TNK2: variants seen among roughly 807,000 people sequenced by gnomAD.
The protein encoded by TNK2 is tyrosine kinase non receptor 2.
A neutral mutation model predicts 101.8 loss-of-function variants in TNK2; 83 were observed. The observed-to-expected ratio is 0.82, with a 90% CI of 0.68 to 0.98. The LOEUF is 0.98. Among genes scored for constraint, TNK2 ranks in the 50% least tolerant of loss-of-function variants. The pLI is 0.00. For synonymous variants in TNK2, 804 were observed against 633.0 expected (o/e 1.27, Z -4.06); for missense variants, 1,665 against 1,483.2 (o/e 1.12, Z -2.01).
At chr3:195,872,022 C>A (rs147776988) in intron 10 of TNK2, among the ~76,000 whole-genome samples, 25,733 of 66,156 alleles carry the variant, frequency 0.39, 5,003 homozygotes, top group South Asian at 0.52. Context: ...CCTGGAGAAC[C>A]CTCCCCTGGA....
intron 12 of TNK2, chr3:195,869,231 C>G: frequency 1.7e-6 from 1 of 591,690 alleles, no homozygotes. Flanking sequence ...CAGGGCCACA[C>G]TCGTGCTCCA....
intron 12 of TNK2, chr3:195,869,230 A>G (rs918696964): frequency 1.7e-6 from 1 of 589,356 alleles, no homozygotes; most frequent in African/African-American, 1.9e-5. Flanking sequence ...CCAGGGCCAC[A>G]CTCGTGCTCC....
chr3:195,891,607 C>T (rs2149733742), intron 1 of TNK2, among the ~76,000 whole-genome samples: 1 of 152,280 alleles, frequency 6.6e-6, no homozygotes, highest in East Asian at 1.9e-4. Flanking sequence ...GGCAGCGTCT[C>T]CTCTCCACCC....
intron 10 of TNK2, among the ~76,000 whole-genome samples, chr3:195,871,232 TC>T (rs1263656306): frequency 6.6e-6 from 1 of 152,066 alleles, no homozygotes; most frequent in African/African-American, 2.4e-5. Context: ...AGTGACTGAT[TC>T]TGCGTGTCCT....
chr3:195,867,439 C>T lies in TNK2; in HGVS notation c.2859G>A (p.Arg953=), dbSNP rs1266941703. The T allele has an allele frequency of 1.3e-6, 2 of 1,596,852 alleles. No individual in the cohort carries two copies. Among genetic ancestry groups the T allele is most frequent in the Non-Finnish European group, 1.7e-6 (2 of 1,176,944 alleles). The change falls in exon 13 of 16, where the codon AGG becomes AGA. Residue 953 remains arginine, a synonymous_variant. Coordinates refer to ENST00000672887, the MANE Select transcript of TNK2 (RefSeq NM_001382273.1). ...SNPGARPPPP[R]ATARLPQRGC... ...CCCTCTGTGGCAGCCGAGCAGTGGC[C>T]CTCGGGGGTGGTGGCCGGGCCCCTG...
intron 1 of TNK2, chr3:195,895,473 C>T (rs1310583358): frequency 7.3e-7 from 1 of 1,369,486 alleles, no homozygotes; most frequent in East Asian, 3.1e-5. Flanking sequence ...CATCCGCCAT[C>T]GGCCGGCGGC....
chr3:195,874,111 C>A (rs1401717054), intron 9 of TNK2, among the ~76,000 whole-genome samples: 3 of 152,232 alleles, frequency 2.0e-5, no homozygotes, highest in African/African-American at 7.2e-5. Context: ...GCGGCTCTCC[C>A]GCTACACCCA....
In TNK2 at chr3:195,868,614, A is replaced by T; in HGVS notation, c.1684T>A (p.Trp562Arg). Residue 562 changes from tryptophan to arginine, a missense_variant, in exon 13 of 16, where the codon TGG becomes AGG. Around this residue, in one of 3 missense-constraint regions of TNK2, gnomAD observed 1,136 missense variants for 894.9 expected, o/e 1.27. Transcript: ENST00000672887. ...ACCCGCGCCGAGGGCTTCGCCAGCC[A>T]CAGCCCTCGGGGCAGGCCTGGCTTC... is the stretch of plus-strand genomic sequence containing the variant. The part of the protein sequence containing the change: ...LRKPGLPRGL[W>R]LAKPSARVPG... 1 of 1,588,912 alleles carries T rather than the reference A, an allele frequency of 6.3e-7. No homozygotes were observed. Among genetic ancestry groups the T allele is most frequent in the Non-Finnish European group, 8.5e-7 (1 of 1,175,686 alleles).
rs768087094 is a variant in TNK2, at chr3:195,872,323, G to A, written c.1404C>T (p.Gly468=). The change falls in exon 10 of 16, where the codon GGC becomes GGT. Residue 468 remains glycine (G), a synonymous_variant. Coordinates refer to ENST00000672887, the MANE Select transcript of TNK2 (RefSeq NM_001382273.1). ...CCCAGCAGTGGCGGGGGTCACTGTCGCCATGCCCTGTGTGGATGAAGCTGT... is the reference window on the plus strand; with the variant it reads ...CCCAGCAGTGGCGGGGGTCACTGTCACCATGCCCTGTGTGGATGAAGCTGT... ...LQNSFIHTGH[G]DSDPRHCWGF... is the part of the protein sequence containing the mutation. 14 of 1,613,116 alleles carry A rather than the reference G, an allele frequency of 8.7e-6. No homozygotes were observed. Among genetic ancestry groups the A allele is most frequent in the South Asian group, 6.6e-5 (6 of 91,088 alleles).
Position 195,884,888 on chromosome 3 carries a change from C to G in TNK2, c.380G>C (p.Arg127Pro). Reference sequence around the variant, plus strand: ...ACCATCACCCAGCTTCTCCAGGAGGCGCAGGTCCTTCTCCCCAATGAGGCA... The same window carrying G: ...ACCATCACCCAGCTTCTCCAGGAGGGGCAGGTCCTTCTCCCCAATGAGGCA... ...LTCLIGEKDL[R>P]LLEKLGDGSF... Residue 127 changes from arginine to proline, a missense_variant, in exon 4 of 16, where the codon CGC becomes CCC. Around this residue, in one of 3 missense-constraint regions of TNK2, gnomAD observed 490 missense variants for 522.5 expected, o/e 0.94. Coordinates refer to ENST00000672887, the MANE Select transcript of TNK2 (RefSeq NM_001382273.1). 1 of 1,614,032 alleles carries G rather than the reference C, an allele frequency of 6.2e-7. No homozygotes were observed.
At chr3:195,889,338 C>G (rs1757428636) in intron 1 of TNK2, among the ~76,000 whole-genome samples, 1 of 152,166 alleles carries the variant, frequency 6.6e-6, no homozygotes, top group South Asian at 2.1e-4. Context: ...AAATAAATCC[C>G]AATTTACATG....
Position 195,882,162 on chromosome 3 carries a change from A to G in TNK2, c.776T>C (p.Leu259Pro), listed in dbSNP as rs1241084314. 2 of 1,613,912 alleles carry G rather than the reference A, an allele frequency of 1.2e-6. No homozygotes were observed. Among genetic ancestry groups the G allele is most frequent in the Admixed American group, 1.7e-5 (1 of 60,022 alleles). Reference sequence around the variant, plus strand: ...CTTGACCAGGTCGCGGGTAGCCAACAGCAGATTGCGGGCAGCCAGGTCACG... The same window carrying G: ...CTTGACCAGGTCGCGGGTAGCCAACGGCAGATTGCGGGCAGCCAGGTCACG... ...IHRDLAARNL[L>P]LATRDLVKIG... is the part of the protein sequence containing the mutation. Residue 259 changes from leucine (L) to proline (P), a missense_variant, in exon 6 of 16, where the codon CTG becomes CCG. Leu to Pro is a moderately conservative substitution (Grantham distance 98, BLOSUM62 -3). Around this residue, in one of 3 missense-constraint regions of TNK2, gnomAD observed 490 missense variants for 522.5 expected, o/e 0.94. Transcript: ENST00000672887. This position sits in a 1 kb window ranked among gnomAD's most constrained non-coding sequence, Gnocchi z 4.2.
intron 9 of TNK2, among the ~76,000 whole-genome samples, chr3:195,876,155 C>T (rs1453912633): frequency 6.6e-6 from 1 of 152,158 alleles, no homozygotes; most frequent in African/African-American, 2.4e-5. Flanking sequence ...TGCCAGCCAC[C>T]CCTTCCTCCA....
chr3:195,876,762 C>T (rs929043989), intron 9 of TNK2: 4 of 402,062 alleles, frequency 9.9e-6, no homozygotes, highest in African/African-American at 6.2e-5. Context: ...AAGGGCGGGG[C>T]GGGGCACACC....
Position 195,882,684 on chromosome 3 carries a change from C to G in TNK2, c.610-356G>C, listed in dbSNP as rs575015260. On this transcript the variant is annotated intron_variant, in intron 5 of 15. Transcript: ENST00000672887. This position sits in a 1 kb window ranked among gnomAD's most constrained non-coding sequence, Gnocchi z 4.2. ...ACCAGCCTGGCCAACATGGTGAAAC[C>G]CCGTCTCTACTAAAAATACAAAAAT... is the stretch of plus-strand genomic sequence containing the variant. 1.4e-4 allele frequency among the ~76,000 whole-genome samples: 21 copies of G among 152,138 alleles called. No individual in the cohort carries two copies. Among genetic ancestry groups the G allele is most frequent in the African/African-American group, 5.1e-4 (21 of 41,478 alleles).
At position 195,885,725 on chromosome 3, in the gene TNK2, G is replaced by A; in HGVS notation, c.235-692C>T. On this transcript the variant is annotated intron_variant, in intron 3 of 15. Transcript: ENST00000672887. The surrounding 1 kb of genome is among the most constrained non-coding windows in gnomAD (Gnocchi z 4.7). ...GGAGACTCGGAGGCCAGGGTGGACA[G>A]GGAGGAGCCGAAGGTCAAGGGACAG... 1.8e-6 allele frequency: 1 copy of A among 543,530 alleles called. No individual in the cohort carries two copies. Among genetic ancestry groups the A allele is most frequent in the Non-Finnish European group, 3.0e-6 (1 of 335,664 alleles). The allele number at this position is 543,530 out of a possible 1,614,324, so 33.7% of individuals were successfully genotyped here.
chr3:195,872,604 G>A (rs1053863080), intron 9 of TNK2, 134 bp from the exon 10 acceptor site: 27 of 931,840 alleles, frequency 2.9e-5, no homozygotes, highest in African/African-American at 1.0e-4. Flanking sequence ...GTGTGCCACC[G>A]GCCCTCCTCC....
In TNK2 at chr3:195,868,010, C is replaced by A. The variant is rs57872314; in HGVS notation, c.2288G>T (p.Arg763Leu). 1 of 1,576,006 alleles carries A rather than the reference C, an allele frequency of 6.3e-7. No individual in the cohort carries two copies. Residue 763 changes from arginine to leucine, a missense_variant, in exon 13 of 16, where the codon CGG (arginine) becomes CTG (leucine). Physicochemically the swap from Arg to Leu is moderately radical, Grantham distance 102. Transcript: ENST00000672887. Reference protein sequence around the residue: ...QVPPRVPIPPRPTRPHVQLSP... With the variant: ...QVPPRVPIPPLPTRPHVQLSP... ...CAGCTGGACGTGTGGGCGCGTGGGC[C>A]GAGGGGGGATGGGTACCCGAGGAGG...
chr3:195,872,829 A>G (rs990012020), intron 9 of TNK2: 2 of 232,436 alleles, frequency 8.6e-6, no homozygotes, highest in Non-Finnish European at 1.7e-5. Flanking sequence ...CTGTGGGGCC[A>G]GCGCCCCGCC....
Sources: allele counts gnomAD v4.1 joint callset (sites outside exome capture counted in the v4.1 genomes callset), GRCh38; gene constraint gnomAD v4.1.1; regional missense constraint gnomAD v4.1.1; non-coding constraint Gnocchi (gnomAD v3.1); transcripts MANE v1.5; gene names NCBI Gene and HGNC (gene_info 2026-07-23, HGNC 2026-07-21).